Variants in POC1B observed in about 807,000 individuals in gnomAD.
POC1B encodes the protein POC1 centriolar protein homolog B.
POC1B carries 44 observed loss-of-function variants against 60.6 expected under a neutral mutation model. The observed-to-expected ratio is 0.73, with a 90% CI of 0.57 to 0.93. The LOEUF (loss-of-function observed/expected upper bound fraction) is 0.93. Among genes scored for constraint, POC1B ranks in the 40% least tolerant of loss-of-function variants. The pLI is 0.00. For synonymous variants in POC1B, 180 were observed against 198.9 expected (o/e 0.90, Z 0.80); for missense variants, 555 against 572.3 (o/e 0.97, Z 0.31).
intron 2 of POC1B, among the ~76,000 whole-genome samples, chr12:89,504,861 T>A (rs1053935518): frequency 6.6e-6 from 1 of 152,134 alleles, no homozygotes; most frequent in Admixed American, 6.5e-5. Context: ...TCCCAGCAAT[T>A]TGAGACGCCA....
intron 2 of POC1B, chr12:89,522,035 T>C: frequency 5.0e-6 from 2 of 398,950 alleles, no homozygotes; most frequent in Non-Finnish European, 8.8e-6. Context: ...CTTAAGGAAG[T>C]GCAATCAGAA....
Position 89,421,102 on chromosome 12 carries a change from A to G in POC1B, c.*51T>C, listed in dbSNP as rs1239865769. 1.2e-5 allele frequency: 17 copies of G among 1,399,664 alleles called. No individual in the cohort carries two copies. Among genetic ancestry groups the G allele is most frequent in the Non-Finnish European group, 1.6e-5 (16 of 1,011,144 alleles). The allele number at this position is 1,399,664 out of a possible 1,614,324, so 86.7% of individuals were successfully genotyped here. A position where few individuals can be genotyped will look rare whatever the true frequency, so the allele number is the denominator to read the frequency against. On this transcript the variant is annotated 3_prime_UTR_variant, in exon 12 of 12. Coordinates refer to ENST00000313546, the MANE Select transcript of POC1B (RefSeq NM_172240.3). ...GTACTACCTTCCTGAGTGTATGTAC[A>G]TTTGTTCATTTATTGGGCCTCTGCC...
intron 4 of POC1B, among the ~76,000 whole-genome samples, chr12:89,479,906 T>C (rs892237599): frequency 6.6e-6 from 1 of 152,212 alleles, no homozygotes; most frequent in Admixed American, 6.5e-5. Flanking sequence ...TGGTAAAATA[T>C]TCAACTTTAT....
At chr12:89,500,852 A>T in intron 2 of POC1B, 1 of 1,055,834 alleles carries the variant, frequency 9.5e-7, no homozygotes, top group Non-Finnish European at 1.4e-6. Context: ...TACGACATTC[A>T]GAATATGAAA....
intron 4 of POC1B, among the ~76,000 whole-genome samples, chr12:89,488,321 A>C (rs747063123): frequency 9.2e-5 from 14 of 152,276 alleles, no homozygotes; most frequent in Non-Finnish European, 1.8e-4. Context: ...GCTAAACATC[A>C]TGCCAAATTT....
intron 2 of POC1B, chr12:89,500,821 C>T: frequency 2.9e-6 from 3 of 1,029,340 alleles, no homozygotes; most frequent in Admixed American, 4.2e-5. Flanking sequence ...AGAAAACCAT[C>T]AGGATCATCT....
chr12:89,501,116 C>T (rs994577191), intron 2 of POC1B: 11 of 1,300,088 alleles, frequency 8.5e-6, no homozygotes, highest in Admixed American at 5.1e-5. Context: ...GCTGAGAGCA[C>T]TGCACTCCTT....
intron 10 of POC1B, among the ~76,000 whole-genome samples, chr12:89,449,678 G>C (rs1489237724): frequency 6.6e-6 from 1 of 152,062 alleles, no homozygotes; most frequent in Non-Finnish European, 1.5e-5. Context: ...AATTCATATG[G>C]ATAAGTAATA....
At chr12:89,463,558 G>A (rs1444543128) in intron 9 of POC1B, among the ~76,000 whole-genome samples, 2 of 152,080 alleles carry the variant, frequency 1.3e-5, no homozygotes, top group South Asian at 2.1e-4. Flanking sequence ...ACATGGGTAG[G>A]GTCAAGATAC....
In POC1B at chr12:89,500,164, T is replaced by G. The variant is rs1869481074; in HGVS notation, c.101-2822A>C. ...GATTTTGTCAACCTTCCAGGGCACGTGACATTAACACAGAGCAAGGCCAGA... is the reference window on the plus strand; with the variant it reads ...GATTTTGTCAACCTTCCAGGGCACGGGACATTAACACAGAGCAAGGCCAGA... On this transcript the variant is annotated intron_variant, in intron 2 of 11. Transcript: ENST00000313546. The G allele has an allele frequency of 2.4e-5, 38 of 1,595,824 alleles. 1 individual carries two copies. In the South Asian group the frequency reaches 4.1e-4, roughly 17 times the overall value.
At chr12:89,464,483 G>GTTTTTTTTTTTTTT (rs766668019) in intron 9 of POC1B, among the ~76,000 whole-genome samples, 1 of 94,722 alleles carries the variant, frequency 1.1e-5, no homozygotes, top group African/African-American at 4.2e-5. Context: ...TTTTATAAGA[G>GTTTTTTTTTTTTTT]TTTTTTTTTT....
chr12:89,450,271 G>A (rs192417476), intron 10 of POC1B, among the ~76,000 whole-genome samples: 242 of 151,624 alleles, frequency 1.6e-3, no homozygotes, highest in African/African-American at 5.5e-3. Context: ...GCAGTGGCAC[G>A]ATCTTGGCTC....
At chr12:89,455,692 T>C (rs75009063) in intron 10 of POC1B, among the ~76,000 whole-genome samples, 5,912 of 152,296 alleles carry the variant, frequency 0.039, 412 homozygotes, top group East Asian at 0.32. Context: ...TGCATGTTTA[T>C]TGTAAATTAA....
intron 4 of POC1B, among the ~76,000 whole-genome samples, chr12:89,478,591 AT>A (rs1416225216): frequency 2.0e-5 from 3 of 152,174 alleles, no homozygotes; most frequent in African/African-American, 7.2e-5. Flanking sequence ...TTTTAAGGGA[AT>A]TTAAACTAAC....
intron 11 of POC1B, among the ~76,000 whole-genome samples, chr12:89,422,098 C>T (rs1169312534): frequency 6.6e-6 from 1 of 151,812 alleles, no homozygotes; most frequent in Non-Finnish European, 1.5e-5. Flanking sequence ...GGAACCCACA[C>T]AAGGTACATG....
chr12:89,403,357 CT>C, the POC1B span, among the ~76,000 whole-genome samples: 4 of 152,094 alleles, frequency 2.6e-5, no homozygotes, highest in Admixed American at 2.0e-4. Context: ...CAATTTGAAA[CT>C]GTGATGAGAG....
chr12:89,480,773 T>C (rs1883302231), intron 4 of POC1B, among the ~76,000 whole-genome samples: 1 of 152,114 alleles, frequency 6.6e-6, no homozygotes, highest in Admixed American at 6.5e-5. Flanking sequence ...GCTAATTTTT[T>C]GTATTTTTAG....
chr12:89,425,571 G>A (rs1880728375), intron 10 of POC1B, 192 bp from the exon 11 acceptor site: 1 of 462,368 alleles, frequency 2.2e-6, no homozygotes, highest in South Asian at 3.7e-5. Context: ...AGGAAACAAA[G>A]CTAACAGTGA....
At chr12:89,504,880 G>A (rs1010272223) in intron 2 of POC1B, among the ~76,000 whole-genome samples, 6 of 152,122 alleles carry the variant, frequency 3.9e-5, no homozygotes, top group African/African-American at 1.4e-4. Flanking sequence ...CAAGGTGAGA[G>A]GACCACTTGA....
Sources: allele counts gnomAD v4.1 joint callset (sites outside exome capture counted in the v4.1 genomes callset), GRCh38; gene constraint gnomAD v4.1.1; transcripts MANE v1.5; gene names NCBI Gene and HGNC (gene_info 2026-07-23, HGNC 2026-07-21).